MARCO: variants seen among roughly 807,000 people sequenced by gnomAD.
MARCO encodes the protein macrophage receptor with collagenous structure.
In MARCO, 72 loss-of-function variants were observed where a neutral mutation model predicts 70.0. The ratio of observed to expected loss-of-function variants is 1.03; its 90% CI spans 0.85 to 1.25. The LOEUF is 1.25. Among genes scored for constraint, MARCO ranks in the 50% most tolerant of loss-of-function variants. MARCO has a pLI of 0.00. For synonymous variants in MARCO, 273 were observed against 243.1 expected, an observed-to-expected ratio of 1.12 and a Z score of -1.14; for missense variants, 696 against 659.3, an observed-to-expected ratio of 1.06 and a Z score of -0.61.
rs1291924496 is a variant in MARCO, at chr2:118,953,406, G to T, written c.97+11009G>T. On this transcript the variant is annotated intron_variant, in intron 1 of 16. Coordinates refer to ENST00000327097, the MANE Select transcript of MARCO (RefSeq NM_006770.4). The stretch of plus-strand genomic sequence containing the variant: ...AAACTTTTTACTTTCTACATTTGGT[G>T]TGATTGTCAGTTCTATTATGCTTTT... Among the ~76,000 whole-genome samples the T allele has an allele frequency of 2.0e-5, 3 of 152,222 alleles. No homozygotes were observed. In the East Asian group the frequency reaches 5.8e-4, roughly 29 times the overall value.
At chr2:118,957,302 A>T (rs1345973833) in intron 1 of MARCO, among the ~76,000 whole-genome samples, 1 of 152,130 alleles carries the variant, frequency 6.6e-6, no homozygotes, top group Non-Finnish European at 1.5e-5. Flanking sequence ...AAAACAGGAT[A>T]TATTACAACT....
At chr2:118,985,368 C>A (rs34952585) in intron 12 of MARCO, among the ~76,000 whole-genome samples, 9,291 of 152,178 alleles carry the variant, frequency 0.061, 634 homozygotes, top group African/African-American at 0.15. Context: ...GGTCACCAAG[C>A]CTTTCTACCT....
At chr2:118,942,604 GT>G (rs1679525956) in intron 1 of MARCO, among the ~76,000 whole-genome samples, 1 of 152,014 alleles carries the variant, frequency 6.6e-6, no homozygotes, top group African/African-American at 2.4e-5. Flanking sequence ...ATATAGTCAG[GT>G]TTTTCTTAGC....
chr2:118,948,135 A>C (rs1013949301), intron 1 of MARCO, among the ~76,000 whole-genome samples: 6 of 152,232 alleles, frequency 3.9e-5, no homozygotes, highest in African/African-American at 9.6e-5. Flanking sequence ...CCAGGAAGAA[A>C]AGTTAGCACA....
chr2:118,983,060 C>T (rs546216439), intron 12 of MARCO, among the ~76,000 whole-genome samples: 44 of 152,352 alleles, frequency 2.9e-4, no homozygotes, highest in African/African-American at 9.6e-4. Context: ...CCTTTCTGCC[C>T]TGACATGCAG....
chr2:118,966,873 TC>T (rs1680061876), intron 1 of MARCO, among the ~76,000 whole-genome samples: 1 of 152,224 alleles, frequency 6.6e-6, no homozygotes, highest in South Asian at 2.1e-4. Flanking sequence ...AATGTGAGGC[TC>T]CCCTCGTGTG....
intron 1 of MARCO, among the ~76,000 whole-genome samples, chr2:118,959,152 T>G (rs1361445777): frequency 6.6e-6 from 1 of 152,050 alleles, no homozygotes; most frequent in Admixed American, 6.5e-5. Flanking sequence ...CTAATTAAAC[T>G]AAAGAGCTTT....
At position 118,974,339 on chromosome 2, in the gene MARCO, A is replaced by G; in HGVS notation, c.467A>G (p.Gln156Arg). 1 of 1,597,186 alleles carries G rather than the reference A, an allele frequency of 6.3e-7. No individual in the cohort carries two copies. Among genetic ancestry groups the G allele is most frequent in the South Asian group, 1.1e-5 (1 of 88,250 alleles). ...IKGEQGAPGL[Q>R]GHKGAMGMPG... is the part of the protein sequence containing the mutation. ...CTCTGTTCCTCTTCCTCAGGTCTTC[A>G]AGGTCACAAGGGGGCCATGGGCATG... The change falls in exon 5 of 17, where the codon CAA (glutamine) becomes CGA (arginine). Residue 156 changes from glutamine (Q) to arginine (R), a missense_variant. By Grantham distance (43) the Gln-to-Arg change is conservative. Transcript: ENST00000327097.
intron 12 of MARCO, among the ~76,000 whole-genome samples, chr2:118,988,728 C>T (rs113841175): frequency 3.0e-4 from 46 of 152,192 alleles, no homozygotes; most frequent in African/African-American, 1.1e-3. Flanking sequence ...AAACATCTGT[C>T]GCTTCTCCTG....
At chr2:118,969,112 G>A in intron 1 of MARCO, 48 bp from the exon 2 acceptor site, 1 of 1,352,140 alleles carries the variant, frequency 7.4e-7, no homozygotes, top group Non-Finnish European at 1.1e-6. Context: ...GGGACTTCCT[G>A]TGCTGTGTTC....
intron 1 of MARCO, among the ~76,000 whole-genome samples, chr2:118,962,325 T>C (rs1679964790): frequency 6.6e-6 from 1 of 152,084 alleles, no homozygotes; most frequent in Admixed American, 6.6e-5. Flanking sequence ...GTCATTTTCA[T>C]GATGTTGATT....
intron 1 of MARCO, among the ~76,000 whole-genome samples, chr2:118,967,318 C>G (rs1202386023): frequency 6.6e-6 from 1 of 152,152 alleles, no homozygotes; most frequent in Non-Finnish European, 1.5e-5. Context: ...CACATTGCCC[C>G]AAGTCAGAAG....
At chr2:118,992,882 G>A in intron 15 of MARCO, 1 of 487,334 alleles carries the variant, frequency 2.1e-6, no homozygotes, top group Non-Finnish European at 3.6e-6. Flanking sequence ...TATGCGATTT[G>A]CAAACCAGCC....
intron 1 of MARCO, among the ~76,000 whole-genome samples, chr2:118,963,589 T>C (rs895464325): frequency 6.6e-6 from 1 of 152,186 alleles, no homozygotes; most frequent in East Asian, 1.9e-4. Flanking sequence ...GTATTCTGTG[T>C]GTTCATTAGA....
At position 118,970,331 on chromosome 2, in the gene MARCO, G is replaced by A. The variant is rs757193219; in HGVS notation, c.417G>A (p.Gln139=). 5.0e-6 allele frequency: 8 copies of A among 1,611,644 alleles called. No individual in the cohort carries two copies. The highest frequency in any genetic ancestry group is 3.3e-5 in the Admixed American group (2 of 59,748). ...TGCAGCGGGTAGACAACTTCACTCA[G>A]AACCCAGGTTTGGCCTCCTCCCCTC... ...HLLQRVDNFT[Q]NPGMFRIKGE... Residue 139 remains glutamine, a synonymous_variant, in exon 3 of 17, where the codon CAG becomes CAA. Transcript: ENST00000327097.
chr2:118,967,782 C>T (rs776724012), intron 1 of MARCO, among the ~76,000 whole-genome samples: 8 of 152,152 alleles, frequency 5.3e-5, no homozygotes, highest in Non-Finnish European at 7.3e-5. Context: ...GGTTTAAGTG[C>T]ATCTGTCACA....
chr2:118,985,266 G>C (rs1680462324), intron 12 of MARCO, among the ~76,000 whole-genome samples: 1 of 152,104 alleles, frequency 6.6e-6, no homozygotes, highest in African/African-American at 2.4e-5. Context: ...GAAGAACGTA[G>C]AGTGTATGAT....
At chr2:118,983,815 C>G (rs1238538742) in intron 12 of MARCO, among the ~76,000 whole-genome samples, 2 of 152,220 alleles carry the variant, frequency 1.3e-5, no homozygotes, top group African/African-American at 4.8e-5. Flanking sequence ...CCCCCACCCC[C>G]ACTGCCAGAC....
rs992595037 is a variant in MARCO, at chr2:118,963,255, CT to C, written c.98-5897del. 1.9e-4 allele frequency among the ~76,000 whole-genome samples: 29 copies of C among 151,144 alleles called. No homozygotes were observed. In the East Asian group the frequency reaches 2.1e-3, roughly 11 times the overall value. On this transcript the variant is annotated intron_variant, in intron 1 of 16. Transcript: ENST00000327097. ...GCTATAAATTTTCTTTTCAGAGCTG[CT>C]TTTTTTTATCCCATAAATTTTAATA...
Sources: allele counts gnomAD v4.1 joint callset (sites outside exome capture counted in the v4.1 genomes callset), GRCh38; gene constraint gnomAD v4.1.1; transcripts MANE v1.5; gene names NCBI Gene and HGNC (gene_info 2026-07-23, HGNC 2026-07-21).